The following XRCC3 variants were observed in gnomAD, a reference collection of about 807,000 sequenced individuals.
XRCC3 encodes the protein X-ray repair cross complementing 3.
XRCC3 carries 34 observed loss-of-function variants against 29.2 expected under a neutral mutation model. The ratio of observed to expected loss-of-function variants is 1.16; its 90% CI spans 0.88 to 1.55. The LOEUF (loss-of-function observed/expected upper bound fraction) is 1.55. Among genes scored for constraint, XRCC3 ranks in the 40% most tolerant of loss-of-function variants. The probability of loss-of-function intolerance (pLI) is 0.00; values close to 1 mark genes in which losing one functional copy is unlikely to be tolerated. For synonymous variants in XRCC3, 223 were observed against 211.3 expected (o/e 1.06, Z -0.48); for missense variants, 463 against 467.6 (o/e 0.99, Z 0.09).
intron 1 of XRCC3, 123 bp downstream of exon 1, chr14:103,715,301 A>C (rs2083776730): frequency 1.3e-5 from 2 of 151,504 alleles, no homozygotes; most frequent in Non-Finnish European, 2.9e-5. Flanking sequence ...GGCAATGGAG[A>C]CCCGCGGCCG....
chr14:103,708,669 C>T lies in XRCC3; in HGVS notation c.56-10G>A. The T allele has an allele frequency of 6.2e-7, 1 of 1,614,086 alleles. No homozygotes were observed. The highest frequency in any genetic ancestry group is 8.5e-7 in the Non-Finnish European group (1 of 1,180,006). On this transcript the variant is annotated splice_polypyrimidine_tract_variant and intron_variant, in intron 4 of 9. Coordinates refer to ENST00000555055, the MANE Select transcript of XRCC3 (RefSeq NM_005432.4). Reference sequence around the variant, plus strand: ...ACCGATTTCAGTTTGGCTGAAATAACACAGATAAATTACAGGAAAATGTCA... The same window carrying T: ...ACCGATTTCAGTTTGGCTGAAATAATACAGATAAATTACAGGAAAATGTCA...
At chr14:103,707,400 C>T in intron 5 of XRCC3, 185 bp from the exon 6 acceptor site, 1 of 721,474 alleles carries the variant, frequency 1.4e-6, no homozygotes, top group East Asian at 2.7e-5. Context: ...AGGGCGGGTG[C>T]ACCTGAGATG....
At chr14:103,699,339 G>A in intron 8 of XRCC3, 25 bp downstream of exon 8, 2 of 1,578,876 alleles carry the variant, frequency 1.3e-6, no homozygotes, top group Non-Finnish European at 1.7e-6. Context: ...CGAGCTCAGG[G>A]GTGCAACCCT....
intron 6 of XRCC3, chr14:103,706,636 C>G (rs1333353784): frequency 5.1e-6 from 2 of 389,158 alleles, no homozygotes; most frequent in Non-Finnish European, 9.9e-6. Flanking sequence ...GGCGGGGCAC[C>G]CGGGGAAAGG....
At chr14:103,707,417 CA>C (rs2083473476) in intron 5 of XRCC3, 3 of 658,166 alleles carry the variant, frequency 4.6e-6, no homozygotes, top group East Asian at 5.5e-5. Flanking sequence ...GATGCAGAGT[CA>C]GGGGGAGCCC....
chr14:103,711,617 C>G (rs1340917798), intron 2 of XRCC3, 50 bp from the exon 3 acceptor site: 2 of 456,176 alleles, frequency 4.4e-6, no homozygotes, highest in African/African-American at 2.0e-5. Flanking sequence ...GCTCAGGGAT[C>G]CAAACATCAG....
chr14:103,711,360 C>T, intron 3 of XRCC3, 106 bp downstream of exon 3: 1 of 646,864 alleles, frequency 1.5e-6, no homozygotes, highest in Non-Finnish European at 2.9e-6. Flanking sequence ...ATTCCAGACA[C>T]TGATGCATTT....
At chr14:103,712,065 G>C (rs1207845421) in intron 2 of XRCC3, 1 of 306,782 alleles carries the variant, frequency 3.3e-6, no homozygotes, top group African/African-American at 2.2e-5. Flanking sequence ...ACACGATCAC[G>C]CTGGTCACTC....
intron 7 of XRCC3, 136 bp from the exon 8 acceptor site, chr14:103,699,712 T>A (rs2082960519): frequency 1.3e-6 from 1 of 796,524 alleles, no homozygotes; most frequent in Admixed American, 2.0e-5. Context: ...TACTCTGTAG[T>A]CCCCATACTC....
At chr14:103,704,280 C>G (rs182887214) in intron 6 of XRCC3, 1 of 152,374 alleles carries the variant, frequency 6.6e-6, no homozygotes, top group Admixed American at 6.5e-5. Flanking sequence ...AGGCAGGCTG[C>G]TGGGGGTGGG....
At chr14:103,702,990 C>A in intron 7 of XRCC3, 183 bp downstream of exon 7, 1 of 891,064 alleles carries the variant, frequency 1.1e-6, no homozygotes, top group South Asian at 1.7e-5. Context: ...CTCTCAGTCA[C>A]TCTCCATCCT....
At chr14:103,710,998 A>G in intron 4 of XRCC3, 35 bp downstream of exon 4, 1 of 1,610,204 alleles carries the variant, frequency 6.2e-7, no homozygotes, top group Non-Finnish European at 8.5e-7. Context: ...GCACACACCC[A>G]CCCACACCCT....
intron 6 of XRCC3, chr14:103,705,389 A>G (rs1206854198): frequency 1.3e-5 from 2 of 152,526 alleles, no homozygotes; most frequent in South Asian, 2.1e-4. Flanking sequence ...TCATGGGGAC[A>G]TCGTGAAGCT....
chr14:103,710,864 AC>A, intron 4 of XRCC3, 168 bp downstream of exon 4: 2 of 655,104 alleles, frequency 3.1e-6, no homozygotes, highest in Non-Finnish European at 5.5e-6. Flanking sequence ...ACACACACAC[AC>A]ACACACACAC....
chr14:103,700,070 C>A (rs988163698), intron 7 of XRCC3: 6 of 230,362 alleles, frequency 2.6e-5, no homozygotes, highest in Non-Finnish European at 4.4e-5. Context: ...CTCAGCAAGG[C>A]AGGGGCCTGA....
intron 7 of XRCC3, chr14:103,701,207 C>T (rs1209538417): frequency 3.2e-6 from 5 of 1,550,784 alleles, no homozygotes; most frequent in Middle Eastern, 1.7e-4. Context: ...GCAGTGACCC[C>T]GACCTGGCCC....
chr14:103,700,748 C>T (rs374390359), intron 7 of XRCC3: 5 of 1,547,942 alleles, frequency 3.2e-6, no homozygotes, highest in Non-Finnish European at 4.4e-6. Flanking sequence ...CGGCCTGCAG[C>T]CCCAGGAAGC....
intron 7 of XRCC3, chr14:103,700,764 G>T (rs755300970): frequency 1.3e-6 from 2 of 1,509,086 alleles, no homozygotes; most frequent in South Asian, 1.2e-5. Context: ...GAAGCAGGCA[G>T]CTGGGCCAGG....
intron 6 of XRCC3, chr14:103,705,804 AAT>A (rs1411536328): frequency 6.3e-6 from 1 of 158,114 alleles, no homozygotes; most frequent in Non-Finnish European, 1.4e-5. Context: ...TCATTGCACA[AAT>A]CAGATTTGCA....
Sources: allele counts gnomAD v4.1 joint callset, GRCh38; gene constraint gnomAD v4.1.1; transcripts MANE v1.5; gene names NCBI Gene and HGNC (gene_info 2026-07-23, HGNC 2026-07-21).